The following TAFA5 variants were observed in gnomAD, a reference collection of about 807,000 sequenced individuals.
The protein encoded by TAFA5 is TAFA chemokine like family member 5.
In TAFA5, 6 loss-of-function variants were observed where a neutral mutation model predicts 15.3. The observed-to-expected ratio is 0.39, with a 90% CI of 0.21 to 0.77. The LOEUF (loss-of-function observed/expected upper bound fraction) is 0.77. TAFA5 is among the 30% of genes least tolerant of loss of function. TAFA5 has a pLI of 0.41. For missense variants in TAFA5, 161 were observed against 193.1 expected (o/e 0.83, Z 0.98); for synonymous variants, 103 against 80.7 (o/e 1.28, Z -1.48).
chr22:48,679,071 T>C, intron 2 of TAFA5, among the ~76,000 whole-genome samples: 1 of 126,234 alleles, frequency 7.9e-6, no homozygotes, highest in African/African-American at 3.2e-5. Flanking sequence ...CTCTCCCGTC[T>C]CCCTGTCCAT....
chr22:48,691,011 G>C, intron 2 of TAFA5, among the ~76,000 whole-genome samples: 1 of 152,142 alleles, frequency 6.6e-6, no homozygotes, highest in East Asian at 1.9e-4. Flanking sequence ...GAAGATGCTT[G>C]ACCCTCCTGA....
chr22:48,685,360 G>A (rs1478249417), intron 2 of TAFA5, among the ~76,000 whole-genome samples: 1 of 152,170 alleles, frequency 6.6e-6, no homozygotes, highest in Non-Finnish European at 1.5e-5. Context: ...TTGGATCCAG[G>A]AAAGACCTAG....
At position 48,646,593 on chromosome 22, in the gene TAFA5, G is replaced by A; in HGVS notation, c.113-4G>A. 1.2e-6 allele frequency: 2 copies of A among 1,612,298 alleles called. No homozygotes were observed. Among genetic ancestry groups the A allele is most frequent in the African/African-American group, 1.3e-5 (1 of 75,042 alleles). ...CGCTCAGTCGCTTCTGCTCCTCTCT[G>A]CAGGTCAGCTGGCCGCCGGCACCTG... On this transcript the variant is annotated splice_region_variant and splice_polypyrimidine_tract_variant and intron_variant, in intron 1 of 3. Coordinates refer to ENST00000402357, the MANE Select transcript of TAFA5 (RefSeq NM_001082967.3).
intron 1 of TAFA5, among the ~76,000 whole-genome samples, chr22:48,630,919 A>AGG (rs1926200760): frequency 6.6e-6 from 1 of 151,884 alleles, no homozygotes; most frequent in Non-Finnish European, 1.5e-5. Context: ...GCATGGGGGG[A>AGG]GCCCGGCGTG....
intron 1 of TAFA5, among the ~76,000 whole-genome samples, chr22:48,595,750 G>T (rs1924742315): frequency 6.6e-6 from 1 of 152,246 alleles, no homozygotes; most frequent in Admixed American, 6.5e-5. Context: ...TCTACACAGG[G>T]CCACGCTCAC....
chr22:48,726,163 A>G (rs1386974866), intron 3 of TAFA5, among the ~76,000 whole-genome samples: 2 of 152,258 alleles, frequency 1.3e-5, no homozygotes, highest in Non-Finnish European at 2.9e-5. Context: ...ACATCGTTTT[A>G]CTTATGAATT....
At chr22:48,649,121 G>T (rs1199267329) in intron 2 of TAFA5, among the ~76,000 whole-genome samples, 1 of 152,210 alleles carries the variant, frequency 6.6e-6, no homozygotes, top group Admixed American at 6.5e-5. Flanking sequence ...GGAAGGGGCC[G>T]CGGGCTCTTG....
chr22:48,520,016 G>C (rs1202581510), intron 1 of TAFA5, among the ~76,000 whole-genome samples: 1 of 152,238 alleles, frequency 6.6e-6, no homozygotes, highest in South Asian at 2.1e-4. Context: ...TCCAGTGCCC[G>C]GTGTCCTTAG....
intron 1 of TAFA5, among the ~76,000 whole-genome samples, chr22:48,634,044 C>A (rs1052515976): frequency 1.3e-5 from 2 of 152,170 alleles, no homozygotes; most frequent in African/African-American, 2.4e-5. Flanking sequence ...CTCAGCTGCC[C>A]GGTGCACAGA....
intron 2 of TAFA5, among the ~76,000 whole-genome samples, chr22:48,675,004 C>T (rs868491235): frequency 2.6e-5 from 4 of 151,316 alleles, no homozygotes; most frequent in Non-Finnish European, 2.9e-5. Context: ...TGCAGTGGCG[C>T]GATCTCGGCT....
intron 1 of TAFA5, among the ~76,000 whole-genome samples, chr22:48,518,169 C>G (rs1046492009): frequency 6.6e-6 from 1 of 152,198 alleles, no homozygotes; most frequent in Non-Finnish European, 1.5e-5. Context: ...TTTCTCCACC[C>G]TCGGGTCCCA....
chr22:48,678,503 C>T (rs1052269100), intron 2 of TAFA5, among the ~76,000 whole-genome samples: 1 of 151,498 alleles, frequency 6.6e-6, no homozygotes, highest in Admixed American at 6.6e-5. Flanking sequence ...TCAAACAGGT[C>T]CTTGGAGGGA....
In TAFA5 at chr22:48,498,769, C is replaced by T. The variant is rs191621042; in HGVS notation, c.112+9065C>T. On this transcript the variant is annotated intron_variant, in intron 1 of 3. Coordinates refer to ENST00000402357, the MANE Select transcript of TAFA5 (RefSeq NM_001082967.3). ...CCAGTTGTGACAACCAAAGATGTCT[C>T]TGGACCTTGCCGCCTGACCCTGGGA... 2.8e-3 allele frequency among the ~76,000 whole-genome samples: 424 copies of T among 152,314 alleles called. 1 individual carries two copies. The highest frequency in any genetic ancestry group is 4.3e-3 in the Non-Finnish European group (295 of 68,026).
At chr22:48,743,558 C>T (rs984456283) in intron 3 of TAFA5, among the ~76,000 whole-genome samples, 1 of 152,238 alleles carries the variant, frequency 6.6e-6, no homozygotes, top group Non-Finnish European at 1.5e-5. Context: ...CAACAGAGGA[C>T]TAAGTCTAGT....
At chr22:48,503,225 G>A (rs765044542) in intron 1 of TAFA5, among the ~76,000 whole-genome samples, 1 of 152,232 alleles carries the variant, frequency 6.6e-6, no homozygotes, top group Non-Finnish European at 1.5e-5. Context: ...AAGAGTTCTT[G>A]CTGCCCCTGG....
At chr22:48,642,455 G>C (rs547262160) in intron 1 of TAFA5, among the ~76,000 whole-genome samples, 13 of 152,284 alleles carry the variant, frequency 8.5e-5, no homozygotes, top group African/African-American at 3.1e-4. Flanking sequence ...CCCTTTCTGA[G>C]AATGAGGCGA....
rs1928063268 is a variant in TAFA5 at position 48,489,575 on chromosome 22, G to A, written c.-18G>A. ...GCTGAGACGCGCTGCTGCCCCCCGCGCGGGCGCCGCGGCTTCAATGGCGCC... is the reference window on the plus strand; with the variant it reads ...GCTGAGACGCGCTGCTGCCCCCCGCACGGGCGCCGCGGCTTCAATGGCGCC... On this transcript the variant is annotated 5_prime_UTR_variant, in exon 1 of 4. Transcript: ENST00000402357. The surrounding 1 kb of genome is among the most constrained non-coding windows in gnomAD (Gnocchi z 5.5). The A allele has an allele frequency of 7.1e-7, 1 of 1,415,148 alleles. No homozygotes were observed. The highest frequency in any genetic ancestry group is 9.3e-7 in the Non-Finnish European group (1 of 1,069,648). The allele number at this position is 1,415,148 out of a possible 1,614,324, so 87.7% of individuals were successfully genotyped here.
At chr22:48,643,005 G>A (rs1254111463) in intron 1 of TAFA5, among the ~76,000 whole-genome samples, 2 of 152,188 alleles carry the variant, frequency 1.3e-5, no homozygotes, top group African/African-American at 4.8e-5. Context: ...GTTCTCATTT[G>A]GGGAATGGGA....
chr22:48,635,116 G>T (rs117162310), intron 1 of TAFA5, among the ~76,000 whole-genome samples: 1 of 152,364 alleles, frequency 6.6e-6, no homozygotes, highest in East Asian at 1.9e-4. Flanking sequence ...GCAGAGCACA[G>T]CCGGCCTTGT....
Sources: allele counts gnomAD v4.1 joint callset (sites outside exome capture counted in the v4.1 genomes callset), GRCh38; gene constraint gnomAD v4.1.1; non-coding constraint Gnocchi (gnomAD v3.1); transcripts MANE v1.5; gene names NCBI Gene and HGNC (gene_info 2026-07-23, HGNC 2026-07-21).